IGBP1C: variants seen among roughly 807,000 people sequenced by gnomAD.
IGBP1C encodes the protein immunoglobulin-binding protein 1 family member C.
chr17:58,662,793 C>T, the IGBP1C span, among the ~76,000 whole-genome samples: 1 of 152,136 alleles, frequency 6.6e-6, no homozygotes, highest in African/African-American at 2.4e-5. Context: ...AGTTTTGTTA[C>T]ATAAGTTCAC....
At chr17:58,664,636 A>C in the IGBP1C span, among the ~76,000 whole-genome samples, 1 of 152,104 alleles carries the variant, frequency 6.6e-6, no homozygotes, top group Non-Finnish European at 1.5e-5. Flanking sequence ...AGACCTATAA[A>C]AAGTTCAGCA....
At chr17:58,683,694 C>T in the IGBP1C span, among the ~76,000 whole-genome samples, 1 of 146,736 alleles carries the variant, frequency 6.8e-6, no homozygotes, top group East Asian at 2.0e-4. Context: ...ACCCGGAAGG[C>T]GGGGTCTGCA....
At chr17:58,673,058 T>A in the IGBP1C span, among the ~76,000 whole-genome samples, 21 of 151,798 alleles carry the variant, frequency 1.4e-4, no homozygotes, top group African/African-American at 1.7e-4. Flanking sequence ...ATACTTTTTT[T>A]AAAAAAAATT....
the IGBP1C span, among the ~76,000 whole-genome samples, chr17:58,662,415 T>TCACACA: frequency 0.01 from 1,182 of 114,974 alleles, 5 homozygotes; most frequent in South Asian, 0.036. Context: ...CACACATATC[T>TCACACA]CACACACACA....
the IGBP1C span, chr17:58,675,484 T>C: frequency 6.5e-6 from 1 of 152,824 alleles, no homozygotes; most frequent in South Asian, 2.0e-4. Context: ...GTGTCATCTT[T>C]TGTTTTATAA....
At chr17:58,664,354 T>C in the IGBP1C span, among the ~76,000 whole-genome samples, 1 of 152,224 alleles carries the variant, frequency 6.6e-6, no homozygotes, top group Admixed American at 6.5e-5. Flanking sequence ...CTTTTTCCTA[T>C]GCTGGGAGAA....
chr17:58,683,432 A>C, the IGBP1C span, among the ~76,000 whole-genome samples: 1 of 151,946 alleles, frequency 6.6e-6, no homozygotes, highest in South Asian at 2.1e-4. Context: ...TAAACATATA[A>C]AATCTTTATA....
chr17:58,685,778 G>A, the IGBP1C span, among the ~76,000 whole-genome samples: 1 of 151,434 alleles, frequency 6.6e-6, no homozygotes, highest in African/African-American at 2.4e-5. Context: ...GATCACCTGA[G>A]GTCAGGAGTT....
the IGBP1C span, among the ~76,000 whole-genome samples, chr17:58,666,896 T>A: frequency 6.6e-6 from 1 of 152,210 alleles, no homozygotes; most frequent in Non-Finnish European, 1.5e-5. Flanking sequence ...CAGTCTTTAA[T>A]CTACATACTC....
chr17:58,666,458 C>CAAAAAAAAAA, the IGBP1C span: 18 of 36,834 alleles, frequency 4.9e-4, 3 homozygotes, highest in African/African-American at 1.0e-3. Context: ...CCTTCCACGG[C>CAAAAAAAAAA]AAAAAAAAAA....
the IGBP1C span, among the ~76,000 whole-genome samples, chr17:58,677,050 T>C: frequency 9.2e-6 from 1 of 108,348 alleles, no homozygotes; most frequent in Non-Finnish European, 1.9e-5. Flanking sequence ...ACTCAGGAGG[T>C]GGAGGGTGCT....
the IGBP1C span, among the ~76,000 whole-genome samples, chr17:58,675,665 T>C: frequency 8.5e-5 from 13 of 152,328 alleles, no homozygotes; most frequent in African/African-American, 2.6e-4. Context: ...TGACAAGGAC[T>C]ATGTTCCAAG....
the IGBP1C span, among the ~76,000 whole-genome samples, chr17:58,679,171 A>AG: frequency 3.0e-4 from 45 of 152,276 alleles, no homozygotes; most frequent in Non-Finnish European, 5.1e-4. Flanking sequence ...AAGAAAAAAA[A>AG]CAGAAGGACT....
At chr17:58,661,095 C>G in the IGBP1C span, 1 of 967,174 alleles carries the variant, frequency 1.0e-6, no homozygotes, top group Non-Finnish European at 1.7e-6. Context: ...TGCTCCAACA[C>G]CTTCTTCTGC....
the IGBP1C span, among the ~76,000 whole-genome samples, chr17:58,668,908 T>C: frequency 2.6e-5 from 4 of 152,244 alleles, no homozygotes; most frequent in South Asian, 2.1e-4. Context: ...GGAGACATTC[T>C]GGCAAGTGAG....
the IGBP1C span, among the ~76,000 whole-genome samples, chr17:58,690,940 C>A: frequency 1.3e-5 from 2 of 152,138 alleles, no homozygotes; most frequent in Non-Finnish European, 2.9e-5. Context: ...GATCATAGCT[C>A]ACTCCCAGGC....
the IGBP1C span, among the ~76,000 whole-genome samples, chr17:58,664,155 C>G: frequency 6.6e-6 from 1 of 152,200 alleles, no homozygotes; most frequent in African/African-American, 2.4e-5. Flanking sequence ...CAGCCCACCT[C>G]GGTTATACTA....
At chr17:58,672,819 C>T in the IGBP1C span, among the ~76,000 whole-genome samples, 1 of 151,402 alleles carries the variant, frequency 6.6e-6, no homozygotes, top group African/African-American at 2.4e-5. Flanking sequence ...GCAACCTTTG[C>T]CTCCTGGGTT....
chr17:58,691,392 G>A, the IGBP1C span, among the ~76,000 whole-genome samples: 1 of 151,940 alleles, frequency 6.6e-6, no homozygotes, highest in African/African-American at 2.4e-5. Flanking sequence ...AACAGGGCCG[G>A]GCGCGGTGGC....
Sources: allele counts gnomAD v4.1 joint callset (sites outside exome capture counted in the v4.1 genomes callset), GRCh38; gene constraint gnomAD v4.1.1; transcripts MANE v1.5; gene names NCBI Gene and HGNC (gene_info 2026-07-23, HGNC 2026-07-21).